The following LHFPL6 variants were observed in gnomAD, a reference collection of about 807,000 sequenced individuals.
LHFPL6 encodes the protein LHFPL tetraspan subfamily member 6.
Under a neutral mutation model 20.6 loss-of-function variants are expected in LHFPL6, and 9 were observed. That is an observed-to-expected ratio of 0.44 (90% CI 0.26 to 0.76). The LOEUF is 0.76. LHFPL6 is among the 30% of genes least tolerant of loss of function. The probability of loss-of-function intolerance (pLI) is 0.20; values close to 1 mark genes in which losing one functional copy is unlikely to be tolerated. For synonymous variants in LHFPL6, 105 were observed against 98.7 expected, an observed-to-expected ratio of 1.06 and a Z score of -0.38; for missense variants, 218 against 253.5, an observed-to-expected ratio of 0.86 and a Z score of 0.95.
chr13:39,500,437 G>C (rs1869253569), intron 2 of LHFPL6, among the ~76,000 whole-genome samples: 1 of 151,964 alleles, frequency 6.6e-6, no homozygotes, highest in Admixed American at 6.6e-5. Flanking sequence ...ATTTTGTGTA[G>C]AGATGAGGTC....
At chr13:39,483,875 G>T (rs1461810528) in intron 2 of LHFPL6, among the ~76,000 whole-genome samples, 1 of 152,172 alleles carries the variant, frequency 6.6e-6, no homozygotes, top group Non-Finnish European at 1.5e-5. Context: ...ATGTATAAGA[G>T]ACCAGACAGA....
intron 2 of LHFPL6, among the ~76,000 whole-genome samples, chr13:39,595,357 A>G (rs977909478): frequency 2.0e-5 from 3 of 152,078 alleles, no homozygotes; most frequent in African/African-American, 7.2e-5. Flanking sequence ...CAGTGGCACA[A>G]TCTCGGCTCA....
In LHFPL6 at chr13:39,470,491, C is replaced by A. The variant is rs572555883; in HGVS notation, c.386-91965G>T. Among the ~76,000 whole-genome samples, 13 of 151,996 alleles carry A rather than the reference C, an allele frequency of 8.6e-5. No homozygotes were observed. In the East Asian group the frequency reaches 2.5e-3, roughly 29 times the overall value. ...GAACTTTTTAAATTATAAACACAGA[C>A]AAAAAATTTAAGAAGTCAAGATGAT... is the stretch of plus-strand genomic sequence containing the variant. On this transcript the variant is annotated intron_variant, in intron 2 of 3. Coordinates refer to ENST00000379589, the MANE Select transcript of LHFPL6 (RefSeq NM_005780.3).
chr13:39,352,960 TACACACACACAC>T (rs1306962467), intron 3 of LHFPL6, among the ~76,000 whole-genome samples: 12 of 86,784 alleles, frequency 1.4e-4, no homozygotes, highest in East Asian at 6.4e-4. Flanking sequence ...TATACATACA[TACACACACACAC>T]ATATATATAT....
intron 2 of LHFPL6, among the ~76,000 whole-genome samples, chr13:39,428,478 T>C (rs934776259): frequency 2.6e-5 from 4 of 152,182 alleles, no homozygotes; most frequent in Admixed American, 6.6e-5. Context: ...GTCAAATGTA[T>C]TGGTATGCAG....
At chr13:39,497,091 C>CT (rs1869125622) in intron 2 of LHFPL6, among the ~76,000 whole-genome samples, 1 of 152,214 alleles carries the variant, frequency 6.6e-6, no homozygotes, top group Non-Finnish European at 1.5e-5. Context: ...TGATAGATCA[C>CT]TTTGCTCATC....
At chr13:39,584,389 T>TG (rs1872381147) in intron 2 of LHFPL6, among the ~76,000 whole-genome samples, 2 of 151,876 alleles carry the variant, frequency 1.3e-5, no homozygotes, top group South Asian at 4.2e-4. Context: ...TAGCTGGGCG[T>TG]GGTGGCACAT....
At chr13:39,412,922 C>A (rs77641889) in intron 2 of LHFPL6, among the ~76,000 whole-genome samples, 49 of 141,628 alleles carry the variant, frequency 3.5e-4, no homozygotes, top group Admixed American at 4.2e-4. Context: ...ACTCCCGTCT[C>A]AAAAAAAAAA....
intron 2 of LHFPL6, among the ~76,000 whole-genome samples, chr13:39,477,168 C>T (rs999494028): frequency 8.5e-5 from 13 of 152,154 alleles, no homozygotes; most frequent in Admixed American, 7.9e-4. Flanking sequence ...TCTGCTGCAA[C>T]CTCTGTTTCT....
At chr13:39,471,759 G>C (rs1872953983) in intron 2 of LHFPL6, among the ~76,000 whole-genome samples, 4 of 152,180 alleles carry the variant, frequency 2.6e-5, no homozygotes, top group African/African-American at 9.6e-5. Flanking sequence ...AATTAACCAA[G>C]GAACTAGAAT....
At position 39,422,296 on chromosome 13, in the gene LHFPL6, TA is replaced by T. The variant is rs759930346; in HGVS notation, c.386-43771del. Among the ~76,000 whole-genome samples the T allele has an allele frequency of 6.9e-4, 105 of 152,204 alleles. 1 individual carries two copies. Among genetic ancestry groups the T allele is most frequent in the Middle Eastern group, 6.8e-3 (2 of 294 alleles). On this transcript the variant is annotated intron_variant, in intron 2 of 3. Transcript: ENST00000379589. ...TCTAAAATAATTATGCTGGTGCAGT[TA>T]ACGTCAAGAAGAAAACACAGGCCGG...
rs182474344 is a variant in LHFPL6, at chr13:39,411,738, G to A, written c.386-33212C>T. The stretch of plus-strand genomic sequence containing the variant: ...CTTCTGTATTTGCAATGGAATTGTC[G>A]GGAAGTAGAACTATAGCCCTTGCCT... On this transcript the variant is annotated intron_variant, in intron 2 of 3. Transcript: ENST00000379589. Among the ~76,000 whole-genome samples, 4 of 152,306 alleles carry A rather than the reference G, an allele frequency of 2.6e-5. No individual in the cohort carries two copies. The East Asian group carries it at 7.7e-4, about 29-fold the overall frequency.
intron 2 of LHFPL6, among the ~76,000 whole-genome samples, chr13:39,403,020 T>C (rs1871030928): frequency 6.6e-6 from 1 of 152,132 alleles, no homozygotes; most frequent in African/African-American, 2.4e-5. Flanking sequence ...CACCAAAGGG[T>C]CCTCGAAGGA....
rs546471935 is a variant in LHFPL6 at position 39,560,537 on chromosome 13, C to G, written c.385+40295G>C. 5.4e-3 allele frequency among the ~76,000 whole-genome samples: 632 copies of G among 116,200 alleles called. 3 individuals carry two copies. Among genetic ancestry groups the G allele is most frequent in the Middle Eastern group, 0.014 (2 of 140 alleles). The allele number at this position is 116,200 out of a possible 152,430, so 76.2% of individuals were successfully genotyped here. A position where few individuals can be genotyped will look rare whatever the true frequency, so the allele number is the denominator to read the frequency against. On this transcript the variant is annotated intron_variant, in intron 2 of 3. Transcript: ENST00000379589. ...TTTTTTTTTTTTTCTTTTTTTGAGA[C>G]GGCGTCTCCCTCTGTCGCCCAGGCT...
chr13:39,428,582 C>T (rs1214972475), intron 2 of LHFPL6, among the ~76,000 whole-genome samples: 1 of 152,006 alleles, frequency 6.6e-6, no homozygotes, highest in Admixed American at 6.5e-5. Context: ...TGTATCTTTT[C>T]TACTCTTCTT....
chr13:39,346,707 T>C (rs1869409096), intron 3 of LHFPL6, among the ~76,000 whole-genome samples: 1 of 152,098 alleles, frequency 6.6e-6, no homozygotes, highest in Non-Finnish European at 1.5e-5. Flanking sequence ...AACAGCAAAG[T>C]AGGCAGCTGT....
chr13:39,494,786 A>C (rs1869042496), intron 2 of LHFPL6, among the ~76,000 whole-genome samples: 1 of 152,226 alleles, frequency 6.6e-6, no homozygotes, highest in African/African-American at 2.4e-5. Flanking sequence ...TACCATACTG[A>C]CATAGTCACA....
chr13:39,551,757 A>AT (rs1000165247), intron 2 of LHFPL6, among the ~76,000 whole-genome samples: 1 of 152,084 alleles, frequency 6.6e-6, no homozygotes, highest in African/African-American at 2.4e-5. Context: ...CAGATACTTA[A>AT]TTTTTTTCTA....
Position 39,601,397 on chromosome 13 carries a change from A to G in LHFPL6, c.-174-7T>C, listed in dbSNP as rs1325131347. 4 of 509,432 alleles carry G rather than the reference A, an allele frequency of 7.9e-6. No homozygotes were observed. The highest frequency in any genetic ancestry group is 7.5e-5 in the African/African-American group (4 of 53,244). The allele number at this position is 509,432 out of a possible 1,614,324, so 31.6% of individuals were successfully genotyped here. ...GCACTAAAGATGATGGTCCCTGGTA[A>G]AACAACAGGAAACATTAAAAATTAA... is the stretch of plus-strand genomic sequence containing the variant. On this transcript the variant is annotated splice_polypyrimidine_tract_variant and splice_region_variant and intron_variant, in intron 1 of 3. Coordinates refer to ENST00000379589, the MANE Select transcript of LHFPL6 (RefSeq NM_005780.3).
Sources: gnomAD v4.1 joint callset for allele counts (sites outside exome capture counted in the v4.1 genomes callset) on GRCh38, gnomAD v4.1.1 for gene constraint, MANE v1.5 for transcripts, NCBI Gene and HGNC (gene_info 2026-07-23, HGNC 2026-07-21) for gene names.